The following GRM8 variants were observed in gnomAD, a reference collection of about 807,000 sequenced individuals.
GRM8 encodes the protein metabotropic glutamate receptor 8.
GRM8 carries 47 observed loss-of-function variants against 87.2 expected under a neutral mutation model. That is an observed-to-expected ratio of 0.54 (90% CI 0.43 to 0.69). The LOEUF (loss-of-function observed/expected upper bound fraction) is 0.69. GRM8 is among the 30% of genes least tolerant of loss of function. GRM8 has a pLI of 0.00. For missense variants in GRM8, 1,019 were observed against 1,139.2 expected (o/e 0.89, Z 1.52); for synonymous variants, 396 against 404.5 (o/e 0.98, Z 0.25).
chr7:126,760,455 TCA>T (rs1200377670), intron 7 of GRM8, among the ~76,000 whole-genome samples: 4 of 152,176 alleles, frequency 2.6e-5, no homozygotes, highest in African/African-American at 9.7e-5. Flanking sequence ...GTTTAACACC[TCA>T]CTCGGTTAGA....
intron 3 of GRM8, among the ~76,000 whole-genome samples, chr7:126,971,369 G>A (rs1810413689): frequency 6.6e-6 from 1 of 152,076 alleles, no homozygotes; most frequent in South Asian, 2.1e-4. Flanking sequence ...GTAAAAACAT[G>A]TTGAACTCTA....
chr7:126,526,609 A>C (rs1813888752), intron 9 of GRM8, among the ~76,000 whole-genome samples: 1 of 152,246 alleles, frequency 6.6e-6, no homozygotes, highest in South Asian at 2.1e-4. Flanking sequence ...TAGGATGTGT[A>C]ATCTAAAAAG....
chr7:126,628,124 G>A (rs543550892), intron 7 of GRM8, among the ~76,000 whole-genome samples: 5 of 152,008 alleles, frequency 3.3e-5, no homozygotes, highest in African/African-American at 1.2e-4. Flanking sequence ...AGCTCACTGC[G>A]ACCTCCACCT....
intron 9 of GRM8, among the ~76,000 whole-genome samples, chr7:126,491,038 C>T (rs138450857): frequency 1.3e-5 from 2 of 152,046 alleles, no homozygotes; most frequent in African/African-American, 2.4e-5. Flanking sequence ...AATTGAAAAC[C>T]TTCTATATGA....
At chr7:127,176,250 G>A (rs918711377) in intron 2 of GRM8, among the ~76,000 whole-genome samples, 1 of 152,052 alleles carries the variant, frequency 6.6e-6, no homozygotes, top group African/African-American at 2.4e-5. Flanking sequence ...AACAGACAAG[G>A]CAGGAAAATA....
chr7:126,975,917 T>G (rs974328147), intron 3 of GRM8, among the ~76,000 whole-genome samples: 1 of 152,164 alleles, frequency 6.6e-6, no homozygotes, highest in South Asian at 2.1e-4. Context: ...CAGTCCTCTC[T>G]TTATTATTAC....
chr7:126,592,712 A>G (rs1457437776), intron 8 of GRM8, among the ~76,000 whole-genome samples: 2 of 151,944 alleles, frequency 1.3e-5, no homozygotes, highest in East Asian at 1.9e-4. Context: ...TCACTGGGGA[A>G]AAGTTGGACG....
At chr7:127,068,613 G>A (rs984833848) in intron 3 of GRM8, among the ~76,000 whole-genome samples, 2 of 152,174 alleles carry the variant, frequency 1.3e-5, no homozygotes, top group Non-Finnish European at 2.9e-5. Context: ...TGAAGCCAGA[G>A]CACAAGGTCA....
intron 9 of GRM8, among the ~76,000 whole-genome samples, chr7:126,462,180 T>C (rs951896973): frequency 6.6e-6 from 1 of 151,510 alleles, no homozygotes; most frequent in African/African-American, 2.4e-5. Context: ...TGTGACAGAA[T>C]GTGAACTTTT....
chr7:127,218,278 G>A (rs144189948), intron 2 of GRM8, among the ~76,000 whole-genome samples: 1 of 152,180 alleles, frequency 6.6e-6, no homozygotes, highest in South Asian at 2.1e-4. Flanking sequence ...CACTTGCCCA[G>A]GTTCACATAG....
At chr7:126,993,230 T>C (rs950390061) in intron 3 of GRM8, among the ~76,000 whole-genome samples, 4 of 152,160 alleles carry the variant, frequency 2.6e-5, no homozygotes, top group Non-Finnish European at 5.9e-5. Context: ...CATACAGATA[T>C]TTTTATCATT....
chr7:126,534,230 G>A (rs554518406), intron 8 of GRM8, among the ~76,000 whole-genome samples: 1 of 152,126 alleles, frequency 6.6e-6, no homozygotes. Flanking sequence ...GTAGAAAGAT[G>A]CTTTAGAGTT....
At chr7:126,724,832 C>A (rs530793782) in intron 7 of GRM8, among the ~76,000 whole-genome samples, 1 of 150,800 alleles carries the variant, frequency 6.6e-6, no homozygotes, top group African/African-American at 2.4e-5. Context: ...TGATTTTAAG[C>A]AGTACTTTAA....
intron 3 of GRM8, among the ~76,000 whole-genome samples, chr7:127,062,459 A>G (rs1319183245): frequency 6.6e-6 from 1 of 152,226 alleles, no homozygotes; most frequent in Admixed American, 6.5e-5. Context: ...ATGACACTGC[A>G]AGCATGAAAG....
chr7:126,731,437 T>C (rs564618044), intron 7 of GRM8, among the ~76,000 whole-genome samples: 19 of 152,274 alleles, frequency 1.2e-4, no homozygotes, highest in Non-Finnish European at 2.4e-4. Context: ...TTATCTTTAA[T>C]TTCTAAATTT....
chr7:126,888,313 C>T (rs1425742808), intron 6 of GRM8, among the ~76,000 whole-genome samples: 5 of 152,202 alleles, frequency 3.3e-5, no homozygotes, highest in East Asian at 1.9e-4. Flanking sequence ...AATCCTTCTG[C>T]GTGCTGCTAA....
intron 9 of GRM8, among the ~76,000 whole-genome samples, chr7:126,526,430 C>A (rs1813858011): frequency 6.6e-6 from 1 of 152,132 alleles, no homozygotes; most frequent in Non-Finnish European, 1.5e-5. Context: ...GCTCTAAGTT[C>A]CCAGGCTGAA....
intron 3 of GRM8, among the ~76,000 whole-genome samples, chr7:126,985,377 A>T (rs1811953044): frequency 6.6e-6 from 1 of 152,212 alleles, no homozygotes; most frequent in Non-Finnish European, 1.5e-5. Flanking sequence ...ATGATAAAAA[A>T]TAAAAAGAGA....
intron 6 of GRM8, among the ~76,000 whole-genome samples, chr7:126,816,120 T>A (rs13238529): frequency 0.2 from 30,654 of 151,990 alleles, 3,440 homozygotes; most frequent in East Asian, 0.5. Context: ...CTTCCCTACA[T>A]TTTGTCCCTA....
Sources: allele counts gnomAD v4.1 joint callset (sites outside exome capture counted in the v4.1 genomes callset), GRCh38; gene constraint gnomAD v4.1.1; transcripts MANE v1.5; gene names NCBI Gene and HGNC (gene_info 2026-07-23, HGNC 2026-07-21).